ROBO1: variants seen among roughly 807,000 people sequenced by gnomAD.
ROBO1 encodes the protein roundabout guidance receptor 1.
A neutral mutation model predicts 195.9 loss-of-function variants in ROBO1; 149 were observed. That is an observed-to-expected ratio of 0.76 (90% confidence interval 0.67 to 0.87). ROBO1 has a LOEUF of 0.87. Among genes scored for constraint, ROBO1 ranks in the 40% least tolerant of loss-of-function variants. The probability of loss-of-function intolerance (pLI) is 0.00; values close to 1 mark genes in which losing one functional copy is unlikely to be tolerated. For missense variants in ROBO1, 1,933 were observed against 2,068.3 expected (o/e 0.93, Z 1.27); for synonymous variants, 816 against 733.2 (o/e 1.11, Z -1.82).
intron 2 of ROBO1, among the ~76,000 whole-genome samples, chr3:79,537,906 T>TAA (rs111873406): frequency 8.6e-5 from 13 of 151,402 alleles, no homozygotes; most frequent in African/African-American, 2.7e-4. Context: ...AAAATAAAAA[T>TAA]AAAAAAACAC....
chr3:79,023,013 ACTCC>A (rs1431804758), intron 3 of ROBO1, among the ~76,000 whole-genome samples: 1 of 152,124 alleles, frequency 6.6e-6, no homozygotes, highest in Non-Finnish European at 1.5e-5. Flanking sequence ...GATACCACTT[ACTCC>A]GATGAGTAGG....
intron 5 of ROBO1, among the ~76,000 whole-genome samples, chr3:78,736,388 G>A (rs1453395960): frequency 1.3e-5 from 2 of 152,108 alleles, no homozygotes; most frequent in Non-Finnish European, 2.9e-5. Flanking sequence ...TAGATTATAA[G>A]AGAAGTACTT....
At chr3:78,762,661 CT>C (rs2083135473) in intron 4 of ROBO1, among the ~76,000 whole-genome samples, 1 of 152,074 alleles carries the variant, frequency 6.6e-6, no homozygotes, top group East Asian at 1.9e-4. Flanking sequence ...GCAATTTCCT[CT>C]TTAACTTCCC....
chr3:79,056,281 G>A (rs887928277), intron 3 of ROBO1, among the ~76,000 whole-genome samples: 2 of 151,972 alleles, frequency 1.3e-5, no homozygotes, highest in East Asian at 1.9e-4. Context: ...GCTTTATGTT[G>A]GACAAGTGCT....
chr3:79,721,194 G>A (rs1702685272), intron 1 of ROBO1, among the ~76,000 whole-genome samples: 1 of 152,148 alleles, frequency 6.6e-6, no homozygotes, highest in African/African-American at 2.4e-5. Context: ...CAGTGATTGT[G>A]GATGCCAAGT....
intron 2 of ROBO1, among the ~76,000 whole-genome samples, chr3:79,496,529 G>A (rs1457332872): frequency 2.0e-5 from 3 of 147,938 alleles, no homozygotes; most frequent in African/African-American, 7.5e-5. Flanking sequence ...GACTACAGGC[G>A]CCCGCCACCG....
Position 79,339,486 on chromosome 3 carries a change from G to A in ROBO1, c.89-213947C>T, listed in dbSNP as rs139488596. ...TACCTCCACACTTACTCTTCTCTCC[G>A]ACTAGCACACATGGCTCACTCCCTT... On this transcript the variant is annotated intron_variant, in intron 2 of 30. Coordinates refer to ENST00000464233, the MANE Select transcript of ROBO1 (RefSeq NM_002941.4). Among the ~76,000 whole-genome samples the A allele has an allele frequency of 6.1e-4, 92 of 152,038 alleles. 1 individual carries two copies. In the South Asian group the frequency reaches 9.8e-3, roughly 16 times the overall value.
chr3:78,659,622 T>TTTC, intron 17 of ROBO1, 64 bp downstream of exon 17: 1 of 1,240,104 alleles, frequency 8.1e-7, no homozygotes, highest in East Asian at 3.0e-5. Flanking sequence ...CAGCCTGCTT[T>TTTC]TTCTTTATGA....
At chr3:79,027,060 GT>G (rs776120618) in intron 3 of ROBO1, among the ~76,000 whole-genome samples, 7 of 151,984 alleles carry the variant, frequency 4.6e-5, no homozygotes, top group Non-Finnish European at 8.8e-5. Flanking sequence ...ATTTTAATCA[GT>G]TAGACAAATT....
At chr3:79,591,952 A>ATGTG (rs926494718) in intron 1 of ROBO1, among the ~76,000 whole-genome samples, 3 of 151,834 alleles carry the variant, frequency 2.0e-5, no homozygotes, top group Non-Finnish European at 4.4e-5. Context: ...GATTTCTTAA[A>ATGTG]TGTGTATAAG....
intron 2 of ROBO1, among the ~76,000 whole-genome samples, chr3:79,154,720 C>T (rs2080829403): frequency 6.6e-6 from 1 of 151,594 alleles, no homozygotes; most frequent in South Asian, 2.1e-4. Context: ...AAAAAAAAGG[C>T]AAGTTTTAAA....
Position 79,423,201 on chromosome 3 carries a change from TA to T in ROBO1, c.88+166622del, listed in dbSNP as rs760140260. On this transcript the variant is annotated intron_variant, in intron 2 of 30. Transcript: ENST00000464233. ...GTTAGCAGTCTGGTTTCACCATTCA[TA>T]GACCAAGAGGTAGTCTGAAAATAGA... 4.2e-4 allele frequency among the ~76,000 whole-genome samples: 64 copies of T among 152,274 alleles called. 1 individual carries two copies. The highest frequency in any genetic ancestry group is 2.2e-3 in the Admixed American group (34 of 15,270).
chr3:79,715,096 A>C (rs1252735696), intron 1 of ROBO1, among the ~76,000 whole-genome samples: 1 of 152,120 alleles, frequency 6.6e-6, no homozygotes, highest in Admixed American at 6.6e-5. Flanking sequence ...CTTTTTATGA[A>C]TTAGCAAAGA....
At chr3:79,429,360 A>G (rs1410020274) in intron 2 of ROBO1, among the ~76,000 whole-genome samples, 1 of 152,078 alleles carries the variant, frequency 6.6e-6, no homozygotes, top group Non-Finnish European at 1.5e-5. Flanking sequence ...TAAAGCCAGG[A>G]AAACGTGGAA....
chr3:79,689,378 A>G (rs969227404), intron 1 of ROBO1, among the ~76,000 whole-genome samples: 1 of 152,058 alleles, frequency 6.6e-6, no homozygotes, highest in African/African-American at 2.4e-5. Flanking sequence ...GGGTGCCAAA[A>G]TACATCTTAT....
In ROBO1 at chr3:79,499,846, T is replaced by C. The variant is rs146153090; in HGVS notation, c.88+89978A>G. ...AATTAATTAATTGATTGATTTTATC[T>C]GTTGCCCGAGAGTGATGGGGCGCAA... On this transcript the variant is annotated intron_variant, in intron 2 of 30. Coordinates refer to ENST00000464233, the MANE Select transcript of ROBO1 (RefSeq NM_002941.4). Among the ~76,000 whole-genome samples the C allele has an allele frequency of 2.2e-3, 339 of 152,186 alleles. 2 individuals are homozygous for C. Among genetic ancestry groups the C allele is most frequent in the African/African-American group, 7.7e-3 (319 of 41,540 alleles).
chr3:78,669,281 A>C (rs1048815873), intron 11 of ROBO1, among the ~76,000 whole-genome samples: 1 of 152,220 alleles, frequency 6.6e-6, no homozygotes, highest in African/African-American at 2.4e-5. Flanking sequence ...GAATGTTGTC[A>C]TCTTGCCCTG....
At chr3:79,335,134 G>A (rs912986709) in intron 2 of ROBO1, among the ~76,000 whole-genome samples, 12 of 151,746 alleles carry the variant, frequency 7.9e-5, no homozygotes, top group African/African-American at 1.5e-4. Context: ...AACAAAAAAC[G>A]CAAAATGGAA....
At chr3:79,026,730 C>T (rs1479987899) in intron 3 of ROBO1, among the ~76,000 whole-genome samples, 2 of 152,016 alleles carry the variant, frequency 1.3e-5, no homozygotes, top group Non-Finnish European at 2.9e-5. Flanking sequence ...ATATACTATT[C>T]TAATCATGAT....
Sources: gnomAD v4.1 joint callset for allele counts (sites outside exome capture counted in the v4.1 genomes callset) on GRCh38, gnomAD v4.1.1 for gene constraint, MANE v1.5 for transcripts, NCBI Gene and HGNC (gene_info 2026-07-23, HGNC 2026-07-21) for gene names.